The following UGT1A9 variants were observed in gnomAD, a reference collection of about 807,000 sequenced individuals.
The protein encoded by UGT1A9 is UDP-glucuronosyltransferase 1A9.
UGT1A9 carries 35 observed loss-of-function variants against 45.0 expected under a neutral mutation model. The ratio of observed to expected loss-of-function variants is 0.78; its 90% CI spans 0.59 to 1.03. The LOEUF (loss-of-function observed/expected upper bound fraction) is 1.03. Ranked by LOEUF, UGT1A9 falls within the 50% of genes least tolerant of loss-of-function variation. The probability of loss-of-function intolerance (pLI) is 0.00; values close to 1 mark genes in which losing one functional copy is unlikely to be tolerated. For synonymous variants in UGT1A9, 278 were observed against 250.6 expected, an observed-to-expected ratio of 1.11 and a Z score of -1.03; for missense variants, 687 against 666.6, an observed-to-expected ratio of 1.03 and a Z score of -0.34.
chr2:233,727,623 G>T (rs2077633696), intron 1 of UGT1A9, among the ~76,000 whole-genome samples: 1 of 152,148 alleles, frequency 6.6e-6, no homozygotes. Flanking sequence ...AGGCTGAGAG[G>T]TTGCACCCAC....
At chr2:233,757,535 A>AATATATATACATATACATATACATATAT (rs376887521) in intron 1 of UGT1A9, among the ~76,000 whole-genome samples, 12 of 88,284 alleles carry the variant, frequency 1.4e-4, no homozygotes, top group Non-Finnish European at 1.5e-4. Flanking sequence ...GCCTGTAAGG[A>AATATATATACATATACATATACATATAT]ATATATATAT....
intron 1 of UGT1A9, among the ~76,000 whole-genome samples, chr2:233,699,536 C>G (rs1417516253): frequency 6.6e-6 from 1 of 152,218 alleles, no homozygotes; most frequent in Non-Finnish European, 1.5e-5. Context: ...CAGGGCCATT[C>G]ACATCATAGA....
chr2:233,743,530 C>G (rs781463146), intron 1 of UGT1A9: 8 of 1,367,244 alleles, frequency 5.9e-6, no homozygotes, highest in East Asian at 4.6e-5. Context: ...GCTTCCCCAG[C>G]AGTTCCTCTG....
intron 4 of UGT1A9, chr2:233,771,349 A>C (rs1700292689): frequency 6.6e-6 from 1 of 151,972 alleles, no homozygotes; most frequent in Non-Finnish European, 1.5e-5. Context: ...TGTAGCACCA[A>C]GGGTTGAAGC....
Position 233,760,956 on chromosome 2 carries a change from C to T in UGT1A9, c.856-6078C>T, listed in dbSNP as rs770299996. The T allele has an allele frequency of 1.7e-5, 27 of 1,614,098 alleles. No individual in the cohort carries two copies. Among genetic ancestry groups the T allele is most frequent in the African/African-American group, 2.7e-5 (2 of 74,934 alleles). ...TTGCCTTTTCACAGAACTTTCTGTG[C>T]GACGTGGTTTATTCCCCGTATGCAA... On this transcript the variant is annotated intron_variant, in intron 1 of 4. Coordinates refer to ENST00000354728, the MANE Select transcript of UGT1A9 (RefSeq NM_021027.3).
At chr2:233,721,970 T>C (rs996384194) in intron 1 of UGT1A9, 2 of 281,884 alleles carry the variant, frequency 7.1e-6, no homozygotes, top group African/African-American at 4.4e-5. Context: ...CATACATTGA[T>C]GGCCTGGGTA....
chr2:233,729,702 C>T, intron 1 of UGT1A9: 4 of 1,613,950 alleles, frequency 2.5e-6, no homozygotes, highest in Non-Finnish European at 3.4e-6. Context: ...ACCCTTCCTC[C>T]TATATTCCTA....
chr2:233,681,509 T>A (rs2074525662), intron 1 of UGT1A9, among the ~76,000 whole-genome samples: 1 of 126,004 alleles, frequency 7.9e-6, no homozygotes, highest in Admixed American at 1.0e-4. Context: ...CCAGCCTGGA[T>A]GACACAGTGA....
At chr2:233,704,889 T>G (rs2075811828) in intron 1 of UGT1A9, among the ~76,000 whole-genome samples, 1 of 152,064 alleles carries the variant, frequency 6.6e-6, no homozygotes, top group South Asian at 2.1e-4. Flanking sequence ...ATCCCAGCAC[T>G]TTGGAAGGCT....
chr2:233,729,355 C>G lies in UGT1A9; in HGVS notation c.856-37679C>G. ...CATCAAAGAAGAGAACTTTTTCACC[C>G]TGACAACCTATGCCATTTCGTGGAC... On this transcript the variant is annotated intron_variant, in intron 1 of 4. Transcript: ENST00000354728. 6.2e-7 allele frequency: 1 copy of G among 1,614,166 alleles called. No individual in the cohort carries two copies. Among genetic ancestry groups the G allele is most frequent in the Non-Finnish European group, 8.5e-7 (1 of 1,180,000 alleles).
At chr2:233,711,040 C>T (rs1449221442) in intron 1 of UGT1A9, among the ~76,000 whole-genome samples, 1 of 152,212 alleles carries the variant, frequency 6.6e-6, no homozygotes, top group African/African-American at 2.4e-5. Context: ...GGTGACCTCA[C>T]TGACACCCAT....
intron 1 of UGT1A9, among the ~76,000 whole-genome samples, chr2:233,751,045 G>GA (rs1443230816): frequency 1.3e-5 from 2 of 152,004 alleles, no homozygotes; most frequent in East Asian, 3.9e-4. Flanking sequence ...TGTGTGCCTG[G>GA]AAAAGACACA....
chr2:233,704,330 C>G, intron 1 of UGT1A9, among the ~76,000 whole-genome samples: 1 of 143,058 alleles, frequency 7.0e-6, no homozygotes, highest in East Asian at 2.0e-4. Context: ...TTTCTTTCCA[C>G]TATTTAAAAA....
Position 233,748,846 on chromosome 2 carries a change from G to A in UGT1A9, c.856-18188G>A, listed in dbSNP as rs117649476. ...CTAGGGAGGAGATAAAACTGTGAGC[G>A]TATAAGCCCAGTTAAGCTGGGGACG... On this transcript the variant is annotated intron_variant, in intron 1 of 4. Transcript: ENST00000354728. Among the ~76,000 whole-genome samples, 30 of 151,478 alleles carry A rather than the reference G, an allele frequency of 2.0e-4. 1 individual carries two copies. The East Asian group carries it at 5.4e-3, about 27-fold the overall frequency.
In UGT1A9 at chr2:233,755,421, C is replaced by T. The variant is rs774443994; in HGVS notation, c.856-11613C>T. 197 of 321,386 alleles carry T rather than the reference C, an allele frequency of 6.1e-4. 1 individual carries two copies. The highest frequency in any genetic ancestry group is 1.9e-3 in the Admixed American group (45 of 23,834). 19.9% of individuals were successfully genotyped at this position (321,386 alleles called of 1,614,324 possible). On this transcript the variant is annotated intron_variant, in intron 1 of 4. Transcript: ENST00000354728. ...TCTCATTGGCCGAGGCCTGTGAGCG[C>T]CTCGCATCCCAAGATGCAGTGCTCC... is the stretch of plus-strand genomic sequence containing the variant.
intron 1 of UGT1A9, chr2:233,717,696 GGA>G: frequency 2.2e-6 from 1 of 445,086 alleles, no homozygotes; most frequent in Non-Finnish European, 4.6e-6. Flanking sequence ...GTGACTTTCT[GGA>G]GCAGGACGAG....
chr2:233,713,285 A>T, intron 1 of UGT1A9: 1 of 1,614,230 alleles, frequency 6.2e-7, no homozygotes. Context: ...GTCACACTCA[A>T]TCGTTCTTTG....
intron 1 of UGT1A9, chr2:233,693,174 T>C (rs765801707): frequency 1.2e-6 from 2 of 1,614,166 alleles, no homozygotes; most frequent in Non-Finnish European, 1.7e-6. Flanking sequence ...CATGAGATTG[T>C]AGTGGTGGTG....
chr2:233,677,783 A>T (rs2074399650), intron 1 of UGT1A9, among the ~76,000 whole-genome samples: 1 of 152,182 alleles, frequency 6.6e-6, no homozygotes, highest in Admixed American at 6.6e-5. Context: ...TTTGCAAAGA[A>T]CTTAAAACAG....
Sources: gnomAD v4.1 joint callset for allele counts (sites outside exome capture counted in the v4.1 genomes callset) on GRCh38, gnomAD v4.1.1 for gene constraint, MANE v1.5 for transcripts, NCBI Gene and HGNC (gene_info 2026-07-23, HGNC 2026-07-21) for gene names.